The following GLT6D1 variants were observed in gnomAD, a reference collection of about 807,000 sequenced individuals.
GLT6D1 encodes putative glycosyltransferase 6 domain-containing protein 1.
In GLT6D1, 9 loss-of-function variants were observed where a neutral mutation model predicts 12.3. That is an observed-to-expected ratio of 0.73 (90% CI 0.44 to 1.27). The LOEUF is 1.27. Ranked by LOEUF, GLT6D1 falls within the 50% of genes most tolerant of loss-of-function variation. The pLI, the probability that GLT6D1 is intolerant of heterozygous loss-of-function variation, is 0.00. For synonymous variants in GLT6D1, 128 were observed against 132.3 expected, an observed-to-expected ratio of 0.97 and a Z score of 0.23; for missense variants, 335 against 346.2, an observed-to-expected ratio of 0.97 and a Z score of 0.26.
chr9:135,633,677 A>G (rs1213210100), intron 2 of GLT6D1, among the ~76,000 whole-genome samples: 3 of 152,216 alleles, frequency 2.0e-5, no homozygotes, highest in Non-Finnish European at 4.4e-5. Flanking sequence ...GCTAAAAAAG[A>G]TTCACTGTTT....
upstream of GLT6D1, among the ~76,000 whole-genome samples, chr9:135,640,552 T>G (rs1390193358): frequency 6.6e-6 from 1 of 151,814 alleles, no homozygotes; most frequent in Non-Finnish European, 1.5e-5. Context: ...GACCCCCGTC[T>G]CTACTAAAAA....
chr9:135,624,127 G>A lies in GLT6D1; in HGVS notation c.801C>T (p.Asn267=), dbSNP rs1432815883. 1 of 1,612,886 alleles carries A rather than the reference G, an allele frequency of 6.2e-7. No individual in the cohort carries two copies. Among genetic ancestry groups the A allele is most frequent in the African/African-American group, 1.3e-5 (1 of 74,878 alleles). The change falls in exon 5 of 5, where the codon AAC becomes AAT. Residue 267 remains asparagine, a synonymous_variant. Coordinates refer to ENST00000371763, the MANE Select transcript of GLT6D1 (RefSeq NM_182974.3). ...GLNSTYEKHL[N]KYFYLNKPT is the part of the protein sequence containing the mutation. ...TGGGTTTATTGAGGTAAAAATATTT[G>A]TTAAGGTGCTTTTCATAAGTGCTAT...
rs576811498 is a variant in GLT6D1 at position 135,634,539 on chromosome 9, C to A, written c.72-3061G>T. On this transcript the variant is annotated intron_variant, in intron 2 of 4. Coordinates refer to ENST00000371763, the MANE Select transcript of GLT6D1 (RefSeq NM_182974.3). ...TATTTTTAGAGAAGATTCAGCTTTA[C>A]AAAAACGTTCTAAAGCTAGTATGCG... Among the ~76,000 whole-genome samples the A allele has an allele frequency of 8.2e-5, 11 of 134,610 alleles. No individual in the cohort carries two copies. In the East Asian group the frequency reaches 2.8e-3, roughly 34 times the overall value. 88.3% of individuals were successfully genotyped at this position (134,610 alleles called of 152,430 possible).
At chr9:135,638,914 C>G (rs1488017620) in intron 2 of GLT6D1, among the ~76,000 whole-genome samples, 1 of 152,064 alleles carries the variant, frequency 6.6e-6, no homozygotes, top group Non-Finnish European at 1.5e-5. Flanking sequence ...TGCCTGTAGT[C>G]CCAGCTACTC....
At chr9:135,629,215 G>A (rs191022422) in intron 3 of GLT6D1, among the ~76,000 whole-genome samples, 67 of 152,166 alleles carry the variant, frequency 4.4e-4, no homozygotes, top group East Asian at 1.5e-3. Flanking sequence ...AAATTAGGAC[G>A]TTATTGACTT....
At position 135,639,465 on chromosome 9, in the gene GLT6D1, C is replaced by A; in HGVS notation, c.-179G>T. ...CTGCGTTGATTGCATGAAAGAAACGCAATAAATCTCTCCACTGCAGGGCTG... is the reference window on the plus strand; with the variant it reads ...CTGCGTTGATTGCATGAAAGAAACGAAATAAATCTCTCCACTGCAGGGCTG... On this transcript the variant is annotated 5_prime_UTR_variant, in exon 1 of 5. Transcript: ENST00000371763. 3.6e-6 allele frequency: 1 copy of A among 280,520 alleles called. No homozygotes were observed. The highest frequency in any genetic ancestry group is 7.3e-5 in the East Asian group (1 of 13,684). 17.4% of individuals were successfully genotyped at this position (280,520 alleles called of 1,614,324 possible).
At chr9:135,631,296 A>T (rs1833640944) in intron 3 of GLT6D1, 135 bp downstream of exon 3, 2 of 726,200 alleles carry the variant, frequency 2.8e-6, no homozygotes, top group Non-Finnish European at 5.0e-6. Context: ...TGTTTATAAG[A>T]GCCTCGAAAA....
intron 2 of GLT6D1, among the ~76,000 whole-genome samples, chr9:135,638,289 G>A (rs760646661): frequency 4.8e-4 from 73 of 152,314 alleles, no homozygotes; most frequent in Non-Finnish European, 9.0e-4. Context: ...CCCACAACAC[G>A]TGGGAATTCT....
intron 2 of GLT6D1, among the ~76,000 whole-genome samples, chr9:135,636,765 G>A (rs79964301): frequency 0.059 from 8,993 of 152,146 alleles, 474 homozygotes; most frequent in African/African-American, 0.14. Flanking sequence ...TATACAGCAC[G>A]CAGCCTTTTC....
At position 135,624,028 on chromosome 9, in the gene GLT6D1, G is replaced by A. The variant is rs763186858; in HGVS notation, c.*69C>T. On this transcript the variant is annotated 3_prime_UTR_variant, in exon 5 of 5. Transcript: ENST00000371763. ...ATAATTTCCTCTGGGAATCATGTGC[G>A]ACCTTGACGTATTGGATCTGTGGAG... The A allele has an allele frequency of 1.6e-4, 147 of 926,938 alleles. No homozygotes were observed. The highest frequency in any genetic ancestry group is 2.2e-4 in the Non-Finnish European group (132 of 594,934). The allele number at this position is 926,938 out of a possible 1,614,324, so 57.4% of individuals were successfully genotyped here.
chr9:135,626,024 C>T, intron 4 of GLT6D1, 45 bp downstream of exon 4: 1 of 1,605,674 alleles, frequency 6.2e-7, no homozygotes, highest in Admixed American at 1.7e-5. Context: ...AATGCTGATC[C>T]ACATTTTCCC....
Position 135,624,201 on chromosome 9 carries a change from T to A in GLT6D1, c.727A>T (p.Ile243Phe), listed in dbSNP as rs201867801. The change falls in exon 5 of 5, where the codon ATC becomes TTC. Residue 243 changes from isoleucine to phenylalanine, a missense_variant. Coordinates refer to ENST00000371763, the MANE Select transcript of GLT6D1 (RefSeq NM_182974.3). ...ATAACTCCGTTCAGATATTCTTTGATGAAGTCTAAAATATTATGGGGTGTG... is the reference window on the plus strand; with the variant it reads ...ATAACTCCGTTCAGATATTCTTTGAAGAAGTCTAAAATATTATGGGGTGTG... Reference protein sequence around the residue: ...GGTPHNILDFIKEYLNGVIHD... With the variant: ...GGTPHNILDFFKEYLNGVIHD... 2.5e-6 allele frequency: 4 copies of A among 1,612,340 alleles called. No individual in the cohort carries two copies. The highest frequency in any genetic ancestry group is 2.5e-6 in the Non-Finnish European group (3 of 1,179,402).
In GLT6D1 at chr9:135,626,177, T is replaced by C. The variant is rs188950350; in HGVS notation, c.149A>G (p.Asp50Gly). The C allele has an allele frequency of 1.2e-5, 19 of 1,613,734 alleles. No homozygotes were observed. In the East Asian group the frequency reaches 2.9e-4, roughly 25 times the overall value. Reference protein sequence around the residue: ...RKRPDVITKTDWLAPVLWEGT... With the variant: ...RKRPDVITKTGWLAPVLWEGT... ...TTCCCATAGGACAGGAGCGAGCCAGTCTGTTTTCGTTATAACATCAGGGCG... is the reference window on the plus strand; with the variant it reads ...TTCCCATAGGACAGGAGCGAGCCAGCCTGTTTTCGTTATAACATCAGGGCG... The change falls in exon 4 of 5, where the codon GAC (aspartate) becomes GGC (glycine). Residue 50 changes from aspartate (D) to glycine (G), a missense_variant. Physicochemically the swap from Asp to Gly is moderately conservative, Grantham distance 94. Transcript: ENST00000371763.
At chr9:135,639,042 TTA>T (rs1396962806) in intron 2 of GLT6D1, 73 bp downstream of exon 2, 1 of 803,766 alleles carries the variant, frequency 1.2e-6, no homozygotes, top group East Asian at 2.8e-5. Flanking sequence ...AAAAATTAAA[TTA>T]ATTAATTTAA....
intron 3 of GLT6D1, among the ~76,000 whole-genome samples, chr9:135,630,017 G>C (rs1833603494): frequency 6.6e-6 from 1 of 152,132 alleles, no homozygotes; most frequent in Admixed American, 6.5e-5. Context: ...ATATAAATAT[G>C]TTTTTATACA....
chr9:135,624,320 G>T lies in GLT6D1; in HGVS notation c.608C>A (p.Thr203Asn). 6.2e-7 allele frequency: 1 copy of T among 1,610,574 alleles called. No homozygotes were observed. Reference protein sequence around the residue: ...QLHAWWYFRNTKNFPYERRPT... With the variant: ...QLHAWWYFRNNKNFPYERRPT... ...CCTCCTCTCATAAGGGAAGTTCTTG[G>T]TGTTTCTGAAATACCACCAGGCGTG... Residue 203 changes from threonine to asparagine, a missense_variant, in exon 5 of 5, where the codon ACC (threonine) becomes AAC (asparagine). Transcript: ENST00000371763.
intron 4 of GLT6D1, among the ~76,000 whole-genome samples, chr9:135,625,035 G>A (rs1833475674): frequency 6.6e-6 from 1 of 151,832 alleles, no homozygotes; most frequent in Non-Finnish European, 1.5e-5. Flanking sequence ...ATAAGCCACT[G>A]TGCCCGGCCG....
In GLT6D1 at chr9:135,624,548, C is replaced by T; in HGVS notation, c.380G>A (p.Ser127Asn). 1 of 1,613,970 alleles carries T rather than the reference C, an allele frequency of 6.2e-7. No individual in the cohort carries two copies. Among genetic ancestry groups the T allele is most frequent in the Non-Finnish European group, 8.5e-7 (1 of 1,180,032 alleles). Residue 127 changes from serine (S) to asparagine (N), a missense_variant, in exon 5 of 5, where the codon AGT (serine) becomes AAT (asparagine). Coordinates refer to ENST00000371763, the MANE Select transcript of GLT6D1 (RefSeq NM_182974.3). Reference protein sequence around the residue: ...AFFKLPDIEPSPLRTFKAFKV... With the variant: ...AFFKLPDIEPNPLRTFKAFKV... Reference sequence around the variant, plus strand: ...AAATGCTTTGAACGTTCGAAGAGGACTGGGCTCTATGTCAGGCAGCTTGAA... The same window carrying T: ...AAATGCTTTGAACGTTCGAAGAGGATTGGGCTCTATGTCAGGCAGCTTGAA...
At chr9:135,626,532 CT>C (rs1833523693) in intron 3 of GLT6D1, among the ~76,000 whole-genome samples, 1 of 152,192 alleles carries the variant, frequency 6.6e-6, no homozygotes, top group Non-Finnish European at 1.5e-5. Context: ...CAGGAGCTGC[CT>C]TTTCCAAGCT....
Sources: gnomAD v4.1 joint callset for allele counts (sites outside exome capture counted in the v4.1 genomes callset) on GRCh38, gnomAD v4.1.1 for gene constraint, MANE v1.5 for transcripts, NCBI Gene and HGNC (gene_info 2026-07-23, HGNC 2026-07-21) for gene names.